Variants in NAPG observed in about 807,000 individuals in gnomAD.
NAPG encodes gamma-soluble NSF attachment protein.
A neutral mutation model predicts 48.4 loss-of-function variants in NAPG; 25 were observed. That is an observed-to-expected ratio of 0.52 (90% CI 0.38 to 0.72). NAPG has a LOEUF of 0.72. Among genes scored for constraint, NAPG ranks in the 30% least tolerant of loss-of-function variants. The pLI is 0.00. For missense variants in NAPG, 359 were observed against 372.5 expected, an observed-to-expected ratio of 0.96 and a Z score of 0.30; for synonymous variants, 139 against 127.2, an observed-to-expected ratio of 1.09 and a Z score of -0.62.
chr18:10,526,964 C>T (rs1203004856), intron 1 of NAPG, among the ~76,000 whole-genome samples: 1 of 151,790 alleles, frequency 6.6e-6, no homozygotes, highest in African/African-American at 2.4e-5. Context: ...CCGAGGCGGG[C>T]GGATCACAAG....
intron 1 of NAPG, among the ~76,000 whole-genome samples, chr18:10,527,512 A>G (rs900945389): frequency 2.6e-5 from 4 of 152,190 alleles, no homozygotes; most frequent in Non-Finnish European, 5.9e-5. Context: ...AGCAAACGCA[A>G]AATTTGTAAT....
chr18:10,536,016 G>A (rs2032024743), intron 5 of NAPG, among the ~76,000 whole-genome samples: 1 of 152,162 alleles, frequency 6.6e-6, no homozygotes, highest in Non-Finnish European at 1.5e-5. Flanking sequence ...CCAGGTGGCT[G>A]TTACATTCTT....
chr18:10,550,275 T>A lies in NAPG; in HGVS notation c.*55T>A. On this transcript the variant is annotated 3_prime_UTR_variant, in exon 12 of 12. Transcript: ENST00000322897. ...CAAAGGTAAAATCCTGACATGCCATTTCAAGGACTTGGGAATAGATTAGGG... is the reference window on the plus strand; with the variant it reads ...CAAAGGTAAAATCCTGACATGCCATATCAAGGACTTGGGAATAGATTAGGG... 3 of 1,532,944 alleles carry A rather than the reference T, an allele frequency of 2.0e-6. No individual in the cohort carries two copies. The highest frequency in any genetic ancestry group is 2.5e-5 in the South Asian group (2 of 78,466). The allele number at this position is 1,532,944 out of a possible 1,614,324, so 95.0% of individuals were successfully genotyped here.
intron 8 of NAPG, among the ~76,000 whole-genome samples, chr18:10,541,068 A>G (rs1422843437): frequency 2.0e-5 from 3 of 152,220 alleles, no homozygotes; most frequent in Non-Finnish European, 2.9e-5. Context: ...TCCATTTAAT[A>G]TGTCAAGGAA....
intron 5 of NAPG, among the ~76,000 whole-genome samples, chr18:10,535,332 T>C (rs537052343): frequency 6.6e-6 from 1 of 152,368 alleles, no homozygotes; most frequent in South Asian, 2.1e-4. Context: ...GCTGTTAACA[T>C]ACTTAGTTTA....
chr18:10,538,593 G>C lies in NAPG; in HGVS notation c.259-1169G>C, dbSNP rs80189397. On this transcript the variant is annotated intron_variant, in intron 5 of 11. Transcript: ENST00000322897. ...GTGCTTAGAAAACAGTAAAGAGCAAGGTTTTTGGTTTTTTCTATTTTCATA... is the reference window on the plus strand; with the variant it reads ...GTGCTTAGAAAACAGTAAAGAGCAACGTTTTTGGTTTTTTCTATTTTCATA... Among the ~76,000 whole-genome samples, 997 of 152,232 alleles carry C rather than the reference G, an allele frequency of 6.5e-3. 5 individuals carry two copies. Among genetic ancestry groups the C allele is most frequent in the African/African-American group, 0.022 (923 of 41,536 alleles).
chr18:10,528,024 A>G (rs2031855699), intron 1 of NAPG, among the ~76,000 whole-genome samples: 1 of 152,112 alleles, frequency 6.6e-6, no homozygotes. Flanking sequence ...TGTCTCTACT[A>G]AAAATACAAA....
At chr18:10,527,105 C>G (rs972691373) in intron 1 of NAPG, among the ~76,000 whole-genome samples, 9 of 149,682 alleles carry the variant, frequency 6.0e-5, no homozygotes, top group East Asian at 4.0e-4. Context: ...GGAGAATGGC[C>G]TGAACCCGGA....
In NAPG at chr18:10,546,599, G is replaced by C. The variant is rs1336258152; in HGVS notation, c.585+195G>C. Among the ~76,000 whole-genome samples, 1 of 152,084 alleles carries C rather than the reference G, an allele frequency of 6.6e-6. No individual in the cohort carries two copies. The highest frequency in any genetic ancestry group is 1.5e-5 in the Non-Finnish European group (1 of 68,030). On this transcript the variant is annotated intron_variant, in intron 9 of 11. Coordinates refer to ENST00000322897, the MANE Select transcript of NAPG (RefSeq NM_003826.3). This position sits in a 1 kb window ranked among gnomAD's most constrained non-coding sequence, Gnocchi z 4.0. The stretch of plus-strand genomic sequence containing the variant: ...TCTGCTGATTACAGCTAAACTACTG[G>C]ATAAAATACAAAAGCAACCACCCTT...
chr18:10,532,109 T>C (rs1377639259), intron 2 of NAPG, among the ~76,000 whole-genome samples: 1 of 151,926 alleles, frequency 6.6e-6, no homozygotes, highest in Non-Finnish European at 1.5e-5. Flanking sequence ...TAAGCACTCC[T>C]GTTTTGTTTT....
At chr18:10,526,246 G>GGGGGGGC in intron 1 of NAPG, 88 bp downstream of exon 1, 1 of 490,184 alleles carries the variant, frequency 2.0e-6, no homozygotes, top group Non-Finnish European at 4.2e-6. Flanking sequence ...GGGCGGGAGG[G>GGGGGGGC]AGGGCTCAGG....
At chr18:10,532,978 TC>T in intron 3 of NAPG, 183 bp downstream of exon 3, 1 of 550,230 alleles carries the variant, frequency 1.8e-6, no homozygotes, top group Non-Finnish European at 3.2e-6. Flanking sequence ...GATTATAAGG[TC>T]CACACTGGTT....
chr18:10,539,742 A>C lies in NAPG; in HGVS notation c.259-20A>C, dbSNP rs640832. The C allele has an allele frequency of 1.9e-6, 3 of 1,589,802 alleles. No homozygotes were observed. The highest frequency in any genetic ancestry group is 2.2e-5 in the South Asian group (2 of 90,558). ...AATTGATGCATTTGCTGACCTGTCT[A>C]CTGTATCCTTTGCCCAAAGGAGATG... On this transcript the variant is annotated intron_variant, in intron 5 of 11. Transcript: ENST00000322897. The surrounding 1 kb of genome is among the most constrained non-coding windows in gnomAD (Gnocchi z 4.7).
Position 10,548,430 on chromosome 18 carries a change from T to A in NAPG, c.665+52T>A. The A allele has an allele frequency of 7.2e-7, 1 of 1,395,290 alleles. No homozygotes were observed. Among genetic ancestry groups the A allele is most frequent in the South Asian group, 1.2e-5 (1 of 85,568 alleles). 86.4% of individuals were successfully genotyped at this position (1,395,290 alleles called of 1,614,324 possible). A position where few individuals can be genotyped will look rare whatever the true frequency, so the allele number is the denominator to read the frequency against. ...CTTGCAGTGGCGACACCTCTGTGTCTACAACTAAGATTGCTGCTAGGACAC... is the reference window on the plus strand; with the variant it reads ...CTTGCAGTGGCGACACCTCTGTGTCAACAACTAAGATTGCTGCTAGGACAC... On this transcript the variant is annotated intron_variant, in intron 10 of 11. Transcript: ENST00000322897. The surrounding 1 kb of genome is among the most constrained non-coding windows in gnomAD (Gnocchi z 4.4).
At chr18:10,530,949 AAAAC>A (rs1364953598) in intron 2 of NAPG, 112 bp downstream of exon 2, 5 of 797,598 alleles carry the variant, frequency 6.3e-6, no homozygotes, top group East Asian at 6.4e-5. Flanking sequence ...TAATAGTTAA[AAAAC>A]AAACAAAACA....
Position 10,550,801 on chromosome 18 carries a change from ATATAT to A in NAPG, c.*585_*589del, listed in dbSNP as rs1362125717. On this transcript the variant is annotated 3_prime_UTR_variant, in exon 12 of 12. Coordinates refer to ENST00000322897, the MANE Select transcript of NAPG (RefSeq NM_003826.3). ...CAATAAAAGATGCATTGAAGCTCTT[ATATAT>A]TATGAGTTTGAAAAATTTTGAAGGT... The A allele has an allele frequency of 1.3e-5, 2 of 152,236 alleles. No individual in the cohort carries two copies. The highest frequency in any genetic ancestry group is 2.9e-5 in the Non-Finnish European group (2 of 68,104). 9.4% of individuals were successfully genotyped at this position (152,236 alleles called of 1,614,324 possible).
In NAPG at chr18:10,542,677, T is replaced by C. The variant is rs887180165; in HGVS notation, c.506+2278T>C. Among the ~76,000 whole-genome samples, 3 of 152,240 alleles carry C rather than the reference T, an allele frequency of 2.0e-5. No individual in the cohort carries two copies. The highest frequency in any genetic ancestry group is 4.8e-5 in the African/African-American group (2 of 41,460). ...AAGTTTTATGTTTGTTATATTTAGT[T>C]AGTGCACTTATGTTTTTACATTAAC... On this transcript the variant is annotated intron_variant, in intron 8 of 11. Transcript: ENST00000322897. The surrounding 1 kb of genome is among the most constrained non-coding windows in gnomAD (Gnocchi z 4.5).
chr18:10,546,365 T>C lies in NAPG; in HGVS notation c.546T>C (p.Asn182=), dbSNP rs1465398310. Residue 182 remains asparagine (N), a synonymous_variant, in exon 9 of 12, where the codon AAT becomes AAC. Transcript: ENST00000322897. The surrounding 1 kb of genome is among the most constrained non-coding windows in gnomAD (Gnocchi z 4.0). ...EAALSIQKEK[N]IYKEIENYPT... is the part of the protein sequence containing the mutation. ...CACTCTCTATTCAGAAAGAAAAAAA[T>C]ATTTATAAGGAAATTGAGAATTATC... 1.9e-6 allele frequency: 3 copies of C among 1,578,384 alleles called. No individual in the cohort carries two copies. Among genetic ancestry groups the C allele is most frequent in the Non-Finnish European group, 1.7e-6 (2 of 1,158,126 alleles).
Position 10,539,564 on chromosome 18 carries a change from C to T in NAPG, c.259-198C>T, listed in dbSNP as rs887916908. ...CACTAGGACAAATACCTAATGCATG[C>T]GGGGCTTAAAACCTAGATGATGGGT... On this transcript the variant is annotated intron_variant, in intron 5 of 11. Coordinates refer to ENST00000322897, the MANE Select transcript of NAPG (RefSeq NM_003826.3). The surrounding 1 kb of genome is among the most constrained non-coding windows in gnomAD (Gnocchi z 4.7). The T allele has an allele frequency of 8.1e-5, 44 of 543,336 alleles. No individual in the cohort carries two copies. In the Admixed American group the frequency reaches 9.0e-4, roughly 11 times the overall value. 33.7% of individuals were successfully genotyped at this position (543,336 alleles called of 1,614,324 possible). A position where few individuals can be genotyped will look rare whatever the true frequency, so the allele number is the denominator to read the frequency against.
Sources: allele counts gnomAD v4.1 joint callset (sites outside exome capture counted in the v4.1 genomes callset), GRCh38; gene constraint gnomAD v4.1.1; non-coding constraint Gnocchi (gnomAD v3.1); transcripts MANE v1.5; gene names NCBI Gene and HGNC (gene_info 2026-07-23, HGNC 2026-07-21).